The following DIPK1A variants were observed in gnomAD, a reference collection of about 807,000 sequenced individuals.
DIPK1A encodes divergent protein kinase domain 1A, also known as family with sequence similarity 69 member A.
DIPK1A carries 27 observed loss-of-function variants against 40.8 expected under a neutral mutation model. The observed-to-expected ratio is 0.66, with a 90% CI of 0.49 to 0.91. DIPK1A has a LOEUF of 0.91. Ranked by LOEUF, DIPK1A falls within the 40% of genes least tolerant of loss-of-function variation. The pLI is 0.00. For missense variants in DIPK1A, 412 were observed against 505.7 expected (o/e 0.81, Z 1.78); for synonymous variants, 166 against 171.3 (o/e 0.97, Z 0.24).
intron 2 of DIPK1A, among the ~76,000 whole-genome samples, chr1:92,860,646 A>AAAAAAAATAGCCAGGTG (rs148916481): frequency 0.019 from 2,010 of 105,148 alleles, 276 homozygotes; most frequent in African/African-American, 0.056. Context: ...AAAAAAAAAA[A>AAAAAAAATAGCCAGGTG]TGGTGGTGTG....
At chr1:92,901,872 A>C (rs1649427962) in intron 1 of DIPK1A, among the ~76,000 whole-genome samples, 1 of 152,148 alleles carries the variant, frequency 6.6e-6, no homozygotes, top group African/African-American at 2.4e-5. Flanking sequence ...CAGGGTACTA[A>C]AGTTGTCTGG....
At chr1:92,925,784 G>A (rs1327609784) in intron 1 of DIPK1A, among the ~76,000 whole-genome samples, 5 of 152,076 alleles carry the variant, frequency 3.3e-5, no homozygotes, top group East Asian at 1.9e-4. Context: ...GTGAGCCACC[G>A]TGCCAGGCCA....
chr1:92,863,302 A>G (rs1055388656), intron 2 of DIPK1A, among the ~76,000 whole-genome samples: 1 of 152,204 alleles, frequency 6.6e-6, no homozygotes, highest in Non-Finnish European at 1.5e-5. Context: ...GTTGGCTTTA[A>G]CCCTTAGTCT....
At chr1:92,892,881 C>A (rs1480301992) in intron 1 of DIPK1A, among the ~76,000 whole-genome samples, 1 of 151,992 alleles carries the variant, frequency 6.6e-6, no homozygotes, top group African/African-American at 2.4e-5. Context: ...CCGATTCGAT[C>A]AACTGGAAGA....
chr1:92,842,258 A>C lies in DIPK1A; in HGVS notation c.*1125T>G, dbSNP rs746910290. ...TGGTGCTAATCCATGGCGTTGAAGG[A>C]AAGTTTTGAGAGAAAGCTGTCCAGT... On this transcript the variant is annotated 3_prime_UTR_variant, in exon 5 of 5. Coordinates refer to ENST00000370310, the MANE Select transcript of DIPK1A (RefSeq NM_001006605.5). 2.2e-5 allele frequency: 22 copies of C among 989,700 alleles called. No homozygotes were observed. The highest frequency in any genetic ancestry group is 2.5e-5 in the Non-Finnish European group (21 of 832,866). The allele number at this position is 989,700 out of a possible 1,614,324, so 61.3% of individuals were successfully genotyped here.
chr1:92,885,546 G>A (rs1648560361), intron 1 of DIPK1A, among the ~76,000 whole-genome samples: 1 of 152,106 alleles, frequency 6.6e-6, no homozygotes. Context: ...AGTAGAGATG[G>A]GGTTTTGCCA....
chr1:92,955,156 TA>T (rs1403027640), intron 1 of DIPK1A, among the ~76,000 whole-genome samples: 1 of 152,002 alleles, frequency 6.6e-6, no homozygotes, highest in Non-Finnish European at 1.5e-5. Flanking sequence ...ATGGAGACAA[TA>T]AAGACCAGTG....
At chr1:92,838,135 C>T (rs546752893), downstream of DIPK1A, among the ~76,000 whole-genome samples, 3 of 152,104 alleles carry the variant, frequency 2.0e-5, no homozygotes, top group Non-Finnish European at 4.4e-5. Flanking sequence ...GGTTCTTTTT[C>T]GTTAGTGTGT....
At chr1:92,869,358 C>G (rs1158033706) in intron 2 of DIPK1A, among the ~76,000 whole-genome samples, 1 of 152,010 alleles carries the variant, frequency 6.6e-6, no homozygotes, top group Non-Finnish European at 1.5e-5. Context: ...TGGATTCTCA[C>G]TATGTTGCCT....
At chr1:92,840,829 G>C (rs1030154355), downstream of DIPK1A, 4 of 710,738 alleles carry the variant, frequency 5.6e-6, no homozygotes, top group East Asian at 1.1e-4. Flanking sequence ...TACTGAGGTG[G>C]TTCTTTCTAT....
At chr1:92,898,567 T>G (rs900658097) in intron 1 of DIPK1A, among the ~76,000 whole-genome samples, 1 of 152,184 alleles carries the variant, frequency 6.6e-6, no homozygotes, top group African/African-American at 2.4e-5. Context: ...CTTGAACTAC[T>G]GGGCTCAAGG....
chr1:92,892,023 G>A (rs1021575027), intron 1 of DIPK1A, among the ~76,000 whole-genome samples: 26 of 152,202 alleles, frequency 1.7e-4, no homozygotes, highest in African/African-American at 5.1e-4. Flanking sequence ...CTCCAACTGG[G>A]TGGAGCCCAC....
At chr1:92,840,804 G>T, downstream of DIPK1A, 1 of 732,668 alleles carries the variant, frequency 1.4e-6, no homozygotes, top group South Asian at 1.4e-5. Context: ...ATGGAAATGT[G>T]TTAGCCTCAG....
intron 1 of DIPK1A, among the ~76,000 whole-genome samples, chr1:92,909,634 T>C (rs1017495455): frequency 1.3e-5 from 2 of 152,202 alleles, no homozygotes; most frequent in African/African-American, 4.8e-5. Context: ...ACAGTAGGAC[T>C]GGACTCTGAC....
At chr1:92,854,950 A>C (rs2100734787) in intron 2 of DIPK1A, among the ~76,000 whole-genome samples, 1 of 152,308 alleles carries the variant, frequency 6.6e-6, no homozygotes, top group Non-Finnish European at 1.5e-5. Context: ...TAGGGTTTCC[A>C]AGGAAGTCAT....
intron 1 of DIPK1A, among the ~76,000 whole-genome samples, chr1:92,940,466 T>C (rs1571143448): frequency 6.6e-6 from 1 of 152,240 alleles, no homozygotes; most frequent in Non-Finnish European, 1.5e-5. Flanking sequence ...AAGGGACTTT[T>C]GGTACTACAA....
In DIPK1A at chr1:92,846,218, T is replaced by TAC. The variant is rs1378618699; in HGVS notation, c.474+963_474+964dup. On this transcript the variant is annotated intron_variant, in intron 4 of 4. Coordinates refer to ENST00000370310, the MANE Select transcript of DIPK1A (RefSeq NM_001006605.5). Reference sequence around the variant, plus strand: ...CATGGGATACATAGTGATATTTCAATACACACATACAATTTGTAATGATCA... The same window carrying TAC: ...CATGGGATACATAGTGATATTTCAATACACACACATACAATTTGTAATGATCA... 1.9e-5 allele frequency: 3 copies of TAC among 154,790 alleles called. No individual in the cohort carries two copies. The Admixed American group carries it at 1.9e-4, about 10-fold the overall frequency. The allele number at this position is 154,790 out of a possible 1,614,324, so 9.6% of individuals were successfully genotyped here.
intron 2 of DIPK1A, among the ~76,000 whole-genome samples, chr1:92,866,281 T>C (rs2100756529): frequency 6.6e-6 from 1 of 152,312 alleles, no homozygotes; most frequent in African/African-American, 2.4e-5. Context: ...CTTGTATTTT[T>C]AGTAGAGATG....
intron 2 of DIPK1A, among the ~76,000 whole-genome samples, chr1:92,861,992 C>T (rs1032903386): frequency 6.6e-6 from 1 of 152,148 alleles, no homozygotes; most frequent in African/African-American, 2.4e-5. Context: ...ATTGCTCAGG[C>T]TGATCTTGCA....
Sources: gnomAD v4.1 joint callset for allele counts (sites outside exome capture counted in the v4.1 genomes callset) on GRCh38, gnomAD v4.1.1 for gene constraint, MANE v1.5 for transcripts, NCBI Gene and HGNC (gene_info 2026-07-23, HGNC 2026-07-21) for gene names.